The following STPG2 variants were observed in gnomAD, a reference collection of about 807,000 sequenced individuals.
STPG2 encodes the protein sperm-tail PG-rich repeat-containing protein 2.
In STPG2, 56 loss-of-function variants were observed where a neutral mutation model predicts 54.2. That is an observed-to-expected ratio of 1.03 (90% CI 0.83 to 1.29). The LOEUF is 1.29. STPG2 is among the 50% of genes most tolerant of loss of function. The pLI, the probability that STPG2 is intolerant of heterozygous loss-of-function variation, is 0.00. For missense variants in STPG2, 596 were observed against 544.9 expected, an observed-to-expected ratio of 1.09 and a Z score of -0.93; for synonymous variants, 200 against 181.8, an observed-to-expected ratio of 1.10 and a Z score of -0.81.
At chr4:97,935,346 C>T (rs775344611) in intron 8 of STPG2, among the ~76,000 whole-genome samples, 6 of 152,052 alleles carry the variant, frequency 3.9e-5, no homozygotes, top group Non-Finnish European at 7.4e-5. Context: ...CTGGATTCAT[C>T]GATTTTGGAA....
chr4:97,786,797 T>C (rs1305367644), intron 9 of STPG2, among the ~76,000 whole-genome samples: 4 of 152,120 alleles, frequency 2.6e-5, no homozygotes, highest in African/African-American at 9.6e-5. Flanking sequence ...AATATGCCAC[T>C]CACCTGTTGG....
At chr4:97,844,696 T>C (rs1728896603) in intron 8 of STPG2, among the ~76,000 whole-genome samples, 1 of 152,042 alleles carries the variant, frequency 6.6e-6, no homozygotes. Flanking sequence ...CATGGATTCA[T>C]GGATATAGTG....
intron 4 of STPG2, among the ~76,000 whole-genome samples, chr4:97,510,171 T>G (rs2148839861): frequency 6.6e-6 from 1 of 152,250 alleles, no homozygotes; most frequent in African/African-American, 2.4e-5. Context: ...ATTTAGAATC[T>G]GTGTTCCACA....
At chr4:97,551,112 T>C (rs754771647) in intron 4 of STPG2, among the ~76,000 whole-genome samples, 44 of 152,256 alleles carry the variant, frequency 2.9e-4, no homozygotes, top group South Asian at 4.1e-4. Flanking sequence ...TACAGAGTGC[T>C]GATTGGTCCG....
At chr4:98,001,992 G>A (rs1735427505) in intron 5 of STPG2, among the ~76,000 whole-genome samples, 1 of 151,886 alleles carries the variant, frequency 6.6e-6, no homozygotes, top group Non-Finnish European at 1.5e-5. Context: ...TGACATAAGG[G>A]CTGACAAAAA....
At chr4:98,136,629 T>C (rs533714826) in intron 1 of STPG2, among the ~76,000 whole-genome samples, 5 of 151,818 alleles carry the variant, frequency 3.3e-5, no homozygotes, top group Middle Eastern at 3.4e-3. Context: ...CTGTCTGCAA[T>C]TGCTTAAAGC....
At chr4:97,655,613 A>G (rs1331493551) in intron 10 of STPG2, among the ~76,000 whole-genome samples, 2 of 152,102 alleles carry the variant, frequency 1.3e-5, no homozygotes, top group Non-Finnish European at 2.9e-5. Context: ...TAAAACCACT[A>G]TAACTATATT....
At chr4:97,945,729 G>A (rs1733188813) in intron 7 of STPG2, among the ~76,000 whole-genome samples, 1 of 149,834 alleles carries the variant, frequency 6.7e-6, no homozygotes, top group Non-Finnish European at 1.5e-5. Flanking sequence ...GTTTTTTTGG[G>A]TTTGTTTATT....
At chr4:97,701,983 T>C (rs1205420402) in intron 10 of STPG2, among the ~76,000 whole-genome samples, 1 of 152,186 alleles carries the variant, frequency 6.6e-6, no homozygotes, top group Non-Finnish European at 1.5e-5. Flanking sequence ...TACAGAGCTC[T>C]TCAAAGATGC....
chr4:97,921,496 T>C (rs1204149063), intron 8 of STPG2, among the ~76,000 whole-genome samples: 2 of 151,196 alleles, frequency 1.3e-5, no homozygotes, highest in Non-Finnish European at 2.9e-5. Context: ...TTCTGGACAA[T>C]GACAAAACTG....
chr4:98,010,474 T>C (rs1383821722), intron 5 of STPG2, among the ~76,000 whole-genome samples: 1 of 152,166 alleles, frequency 6.6e-6, no homozygotes, highest in Non-Finnish European at 1.5e-5. Flanking sequence ...TTGCATGGAT[T>C]ATACTTTCCA....
At chr4:97,663,587 T>C (rs1169076870) in intron 10 of STPG2, among the ~76,000 whole-genome samples, 1 of 152,182 alleles carries the variant, frequency 6.6e-6, no homozygotes, top group Non-Finnish European at 1.5e-5. Context: ...TAAAAACTTC[T>C]GAAAATAACA....
At chr4:97,464,461 G>C (rs1729742161) in intron 4 of STPG2, among the ~76,000 whole-genome samples, 1 of 152,152 alleles carries the variant, frequency 6.6e-6, no homozygotes, top group Admixed American at 6.5e-5. Flanking sequence ...CTGTCACCCA[G>C]GTTGGAGTGC....
intron 5 of STPG2, among the ~76,000 whole-genome samples, chr4:98,102,668 A>C (rs1301136006): frequency 6.6e-6 from 1 of 151,938 alleles, no homozygotes; most frequent in African/African-American, 2.4e-5. Flanking sequence ...AACTATTCTA[A>C]GAATATGCTC....
In STPG2 at chr4:98,109,293, C is replaced by A; in HGVS notation, c.400G>T (p.Ala134Ser). 1 of 1,598,726 alleles carries A rather than the reference C, an allele frequency of 6.3e-7. No homozygotes were observed. Among genetic ancestry groups the A allele is most frequent in the South Asian group, 1.1e-5 (1 of 88,042 alleles). ...TGTATACCTTTGTATTTCAAAGTTG[C>A]ATTGGAAACATCCTAAAAAATAAAA... ...YYKPQFDVSN[A>S]TLKYKGIHFG... is the part of the protein sequence containing the mutation. Residue 134 changes from alanine to serine, a missense_variant, in exon 4 of 11, where the codon GCA (alanine) becomes TCA (serine). Transcript: ENST00000295268.
At chr4:97,908,717 G>A (rs1173642472) in intron 8 of STPG2, among the ~76,000 whole-genome samples, 1 of 151,612 alleles carries the variant, frequency 6.6e-6, no homozygotes, top group Admixed American at 6.6e-5. Flanking sequence ...CCTTTGTAGG[G>A]ACATGGATGA....
At chr4:97,906,548 G>T (rs1731431716) in intron 8 of STPG2, among the ~76,000 whole-genome samples, 1 of 152,070 alleles carries the variant, frequency 6.6e-6, no homozygotes, top group Non-Finnish European at 1.5e-5. Flanking sequence ...CCAAAGCCTG[G>T]CAGAGACACA....
At chr4:97,920,734 GAAGT>G (rs1181120987) in intron 8 of STPG2, among the ~76,000 whole-genome samples, 1 of 152,202 alleles carries the variant, frequency 6.6e-6, no homozygotes, top group African/African-American at 2.4e-5. Context: ...ATAGACGTGA[GAAGT>G]AAGAAATATC....
chr4:97,969,537 T>C (rs1734246305), intron 7 of STPG2, among the ~76,000 whole-genome samples: 1 of 152,176 alleles, frequency 6.6e-6, no homozygotes, highest in Non-Finnish European at 1.5e-5. Flanking sequence ...GTTTCTTTTA[T>C]TTCTTGACCT....
Sources: gnomAD v4.1 joint callset for allele counts (sites outside exome capture counted in the v4.1 genomes callset) on GRCh38, gnomAD v4.1.1 for gene constraint, MANE v1.5 for transcripts, NCBI Gene and HGNC (gene_info 2026-07-23, HGNC 2026-07-21) for gene names.